The following ARMC8 variants were observed in gnomAD, a reference collection of about 807,000 sequenced individuals.
ARMC8 encodes the protein armadillo repeat containing 8, also known as armadillo repeat-containing protein 8.
A neutral mutation model predicts 99.3 loss-of-function variants in ARMC8; 20 were observed. The observed-to-expected ratio is 0.20, with a 90% confidence interval of 0.14 to 0.29. ARMC8 has a LOEUF of 0.29. Ranked by LOEUF, ARMC8 falls within the 10% of genes least tolerant of loss-of-function variation. The probability of loss-of-function intolerance (pLI) is 1.00; values close to 1 mark genes in which losing one functional copy is unlikely to be tolerated. For missense variants in ARMC8, 569 were observed against 809.5 expected (o/e 0.70, Z 3.60); for synonymous variants, 263 against 278.3 (o/e 0.95, Z 0.55).
At chr3:138,260,292 T>G (rs1418854784) in intron 12 of ARMC8, among the ~76,000 whole-genome samples, 2 of 152,202 alleles carry the variant, frequency 1.3e-5, no homozygotes, top group South Asian at 2.1e-4. Context: ...CCAGACTGAC[T>G]AACATGATCC....
chr3:138,273,020 G>C lies in ARMC8; in HGVS notation c.1533G>C (p.Leu511Phe). ...QKIKADILRS[L>F]STEQLFRLLS... Reference sequence around the variant, plus strand: ...TAAAAGCAGATATTTTACGAAGCTTGAGTACTGAACAGCTATTCCGGTTAT... The same window carrying C: ...TAAAAGCAGATATTTTACGAAGCTTCAGTACTGAACAGCTATTCCGGTTAT... The change falls in exon 17 of 22, where the codon TTG becomes TTC. Residue 511 changes from leucine (L) to phenylalanine (F), a missense_variant. Physicochemically the swap from Leu to Phe is conservative, Grantham distance 22. This residue lies in a region of ARMC8 where 227 missense variants were observed against 417.9 expected (regional missense o/e 0.54). Coordinates refer to ENST00000469044, the MANE Select transcript of ARMC8 (RefSeq NM_001363941.2). 1 of 1,611,160 alleles carries C rather than the reference G, an allele frequency of 6.2e-7. No individual in the cohort carries two copies. The highest frequency in any genetic ancestry group is 8.5e-7 in the Non-Finnish European group (1 of 1,178,560).
chr3:138,262,948 T>C (rs920512830), intron 12 of ARMC8, among the ~76,000 whole-genome samples: 1 of 152,190 alleles, frequency 6.6e-6, no homozygotes, highest in Non-Finnish European at 1.5e-5. Context: ...GAATAATGCC[T>C]ACAGAAGAGT....
chr3:138,253,129 T>C (rs1003885348), intron 12 of ARMC8, among the ~76,000 whole-genome samples: 7 of 152,306 alleles, frequency 4.6e-5, no homozygotes. Context: ...AGTTCACTTA[T>C]TAAGCAAATA....
intron 2 of ARMC8, among the ~76,000 whole-genome samples, chr3:138,215,487 A>T (rs1482751807): frequency 6.6e-6 from 1 of 152,128 alleles, no homozygotes; most frequent in East Asian, 1.9e-4. Flanking sequence ...AAGTGCTGGG[A>T]TTACAAGCAT....
At chr3:138,221,864 G>A in intron 2 of ARMC8, 62 bp from the exon 3 acceptor site, 7 of 1,266,568 alleles carry the variant, frequency 5.5e-6, no homozygotes, top group East Asian at 2.3e-5. Flanking sequence ...GAAGTAGAAT[G>A]ATCTTTGATT....
intron 18 of ARMC8, among the ~76,000 whole-genome samples, chr3:138,278,277 C>T (rs1198765441): frequency 6.6e-6 from 1 of 152,078 alleles, no homozygotes; most frequent in African/African-American, 2.4e-5. Flanking sequence ...GAGGCTGAGG[C>T]AGGCGGATCA....
chr3:138,219,954 T>C (rs2045299887), intron 2 of ARMC8, among the ~76,000 whole-genome samples: 1 of 152,194 alleles, frequency 6.6e-6, no homozygotes, highest in South Asian at 2.1e-4. Context: ...TCATTTCTGC[T>C]TAAGAAGAAT....
At chr3:138,278,550 A>G (rs1181499709) in intron 18 of ARMC8, among the ~76,000 whole-genome samples, 2 of 152,182 alleles carry the variant, frequency 1.3e-5, no homozygotes, top group African/African-American at 2.4e-5. Flanking sequence ...TTACTACCAA[A>G]AGAGTGAATT....
At chr3:138,222,514 G>T (rs889279564) in intron 3 of ARMC8, among the ~76,000 whole-genome samples, 1 of 152,132 alleles carries the variant, frequency 6.6e-6, no homozygotes, top group Non-Finnish European at 1.5e-5. Flanking sequence ...CTTCCTTTAG[G>T]CAGGCAATGA....
In ARMC8 at chr3:138,255,234, G is replaced by A. The variant is rs533460355; in HGVS notation, c.1135-8505G>A. Among the ~76,000 whole-genome samples the A allele has an allele frequency of 3.8e-4, 50 of 131,682 alleles. 1 individual carries two copies. The South Asian group carries it at 4.0e-3, about 10-fold the overall frequency. The allele number at this position is 131,682 out of a possible 152,430, so 86.4% of individuals were successfully genotyped here. A position where few individuals can be genotyped will look rare whatever the true frequency, so the allele number is the denominator to read the frequency against. ...TTTTTTTTTTTTGAGATGGAGTCTC[G>A]CTCTGTTGCCCAGGCTGGAGTGCAG... On this transcript the variant is annotated intron_variant, in intron 12 of 21. Coordinates refer to ENST00000469044, the MANE Select transcript of ARMC8 (RefSeq NM_001363941.2).
At chr3:138,198,216 T>C (rs1424651087) in intron 1 of ARMC8, among the ~76,000 whole-genome samples, 3 of 151,898 alleles carry the variant, frequency 2.0e-5, no homozygotes, top group African/African-American at 4.8e-5. Flanking sequence ...CCAGAAAAAG[T>C]AAAGGCTGCT....
At chr3:138,291,218 G>A (rs1296941737) in intron 21 of ARMC8, among the ~76,000 whole-genome samples, 1 of 152,270 alleles carries the variant, frequency 6.6e-6, no homozygotes, top group Non-Finnish European at 1.5e-5. Flanking sequence ...ACAAATCAGG[G>A]AACATCAGTA....
At chr3:138,267,855 T>C (rs1198824307) in intron 15 of ARMC8, among the ~76,000 whole-genome samples, 1 of 152,252 alleles carries the variant, frequency 6.6e-6, no homozygotes, top group Non-Finnish European at 1.5e-5. Context: ...CTCAGGTTTA[T>C]TGTGCATTTA....
chr3:138,201,691 C>T (rs775536538), intron 1 of ARMC8, among the ~76,000 whole-genome samples: 10 of 151,794 alleles, frequency 6.6e-5, no homozygotes, highest in Non-Finnish European at 1.2e-4. Flanking sequence ...GAACTCCTGA[C>T]CTCACTCTCT....
At chr3:138,238,702 A>T (rs1021087572) in intron 9 of ARMC8, 1 of 152,228 alleles carries the variant, frequency 6.6e-6, no homozygotes, top group Non-Finnish European at 1.5e-5. Context: ...AACAACTACA[A>T]ATATTTCAGC....
chr3:138,290,672 G>A, intron 21 of ARMC8, 33 bp downstream of exon 21: 1 of 1,455,756 alleles, frequency 6.9e-7, no homozygotes. Context: ...CTTGCTTTGG[G>A]CTGTGTTGGA....
chr3:138,242,575 A>T (rs185585832), intron 11 of ARMC8, among the ~76,000 whole-genome samples: 4 of 152,196 alleles, frequency 2.6e-5, no homozygotes, highest in African/African-American at 9.7e-5. Flanking sequence ...GTTGCATCTC[A>T]GCCTGTTTGC....
intron 1 of ARMC8, chr3:138,188,327 T>A: frequency 1.6e-6 from 2 of 1,244,818 alleles, no homozygotes; most frequent in South Asian, 1.7e-5. Flanking sequence ...GAGATTTATT[T>A]CCCCATTGTT....
chr3:138,255,355 A>G (rs1264927870), intron 12 of ARMC8, among the ~76,000 whole-genome samples: 3 of 151,742 alleles, frequency 2.0e-5, no homozygotes, highest in African/African-American at 7.3e-5. Flanking sequence ...GGCGCCTGCA[A>G]CCACACCCGG....
Sources: gnomAD v4.1 joint callset for allele counts (sites outside exome capture counted in the v4.1 genomes callset) on GRCh38, gnomAD v4.1.1 for gene constraint, gnomAD v4.1.1 regional missense constraint, MANE v1.5 for transcripts, NCBI Gene and HGNC (gene_info 2026-07-23, HGNC 2026-07-21) for gene names.